The following NAALADL2 variants were observed in gnomAD, a reference collection of about 807,000 sequenced individuals.
NAALADL2 encodes the protein inactive N-acetylated-alpha-linked acidic dipeptidase-like protein 2.
In NAALADL2, 76 loss-of-function variants were observed where a neutral mutation model predicts 87.2. The ratio of observed to expected loss-of-function variants is 0.87; its 90% CI spans 0.72 to 1.05. The LOEUF is 1.05. Among genes scored for constraint, NAALADL2 ranks in the 50% least tolerant of loss-of-function variants. NAALADL2 has a pLI of 0.00. For missense variants in NAALADL2, 1,089 were observed against 945.8 expected (o/e 1.15, Z -1.99); for synonymous variants, 354 against 331.0 (o/e 1.07, Z -0.75).
At chr3:174,809,190 C>A (rs1719866972) in intron 3 of NAALADL2, among the ~76,000 whole-genome samples, 1 of 152,000 alleles carries the variant, frequency 6.6e-6, no homozygotes. Flanking sequence ...CCAAAATAGG[C>A]AACATAATAT....
chr3:174,993,989 G>A (rs1026962687), intron 1 of NAALADL2, among the ~76,000 whole-genome samples: 1 of 152,052 alleles, frequency 6.6e-6, no homozygotes, highest in Non-Finnish European at 1.5e-5. Flanking sequence ...TCTTCTTATA[G>A]GGCATCAATC....
At chr3:174,671,014 C>A (rs1029851047) in intron 2 of NAALADL2, among the ~76,000 whole-genome samples, 1 of 152,010 alleles carries the variant, frequency 6.6e-6, no homozygotes, top group Non-Finnish European at 1.5e-5. Context: ...CTGCTTTAGC[C>A]GTGTAAAATG....
chr3:175,442,557 A>G (rs1258100942), intron 5 of NAALADL2, among the ~76,000 whole-genome samples: 1 of 152,166 alleles, frequency 6.6e-6, no homozygotes, highest in Non-Finnish European at 1.5e-5. Context: ...AGAGATGACA[A>G]TAGTATCGTA....
chr3:174,903,027 T>A (rs1246678237), intron 1 of NAALADL2, among the ~76,000 whole-genome samples: 1 of 152,122 alleles, frequency 6.6e-6, no homozygotes, highest in Non-Finnish European at 1.5e-5. Flanking sequence ...GACAGTTGTA[T>A]TCTTAATATA....
chr3:174,696,161 C>T (rs484879), intron 2 of NAALADL2, among the ~76,000 whole-genome samples: 83,795 of 151,804 alleles, frequency 0.55, 23,597 homozygotes, highest in East Asian at 0.84. Flanking sequence ...GGAAGTATTA[C>T]ATAGGATGAG....
chr3:174,472,908 C>T (rs1716991458), intron 1 of NAALADL2, among the ~76,000 whole-genome samples: 1 of 152,028 alleles, frequency 6.6e-6, no homozygotes, highest in South Asian at 2.1e-4. Context: ...TGTGCAGTAT[C>T]ATTACGTTCA....
chr3:175,092,895 T>C lies in NAALADL2; in HGVS notation c.44-3895T>C, dbSNP rs565468613. 1.7e-3 allele frequency among the ~76,000 whole-genome samples: 260 copies of C among 152,010 alleles called. 1 individual carries two copies. The highest frequency in any genetic ancestry group is 5.8e-3 in the African/African-American group (242 of 41,536). On this transcript the variant is annotated intron_variant, in intron 1 of 13. Coordinates refer to ENST00000454872, the MANE Select transcript of NAALADL2 (RefSeq NM_207015.3). ...AAAATATGGAAAATATATTACACTT[T>C]TCATAATAATTGCATTTTATAAAAC...
intron 3 of NAALADL2, among the ~76,000 whole-genome samples, chr3:174,852,426 ACTAT>A (rs1480908155): frequency 1.3e-5 from 2 of 152,124 alleles, no homozygotes; most frequent in African/African-American, 2.4e-5. Context: ...TCAACAATAA[ACTAT>A]CTAAAAAGAA....
At chr3:175,012,877 C>T (rs1436675774) in intron 1 of NAALADL2, among the ~76,000 whole-genome samples, 1 of 150,294 alleles carries the variant, frequency 6.7e-6, no homozygotes, top group African/African-American at 2.5e-5. Context: ...GTATAATCTC[C>T]AACATTTCAG....
At chr3:175,091,873 A>G (rs979252360) in intron 1 of NAALADL2, among the ~76,000 whole-genome samples, 1 of 151,916 alleles carries the variant, frequency 6.6e-6, no homozygotes, top group African/African-American at 2.4e-5. Context: ...GATGCTTCCC[A>G]TTTTCAAAGG....
At chr3:175,518,299 T>A (rs960493870) in intron 9 of NAALADL2, among the ~76,000 whole-genome samples, 1 of 152,196 alleles carries the variant, frequency 6.6e-6, no homozygotes, top group Admixed American at 6.5e-5. Flanking sequence ...AGCTTCATCC[T>A]CTTTCCTAAA....
At chr3:174,571,645 C>T (rs1714942551) in intron 2 of NAALADL2, among the ~76,000 whole-genome samples, 1 of 152,144 alleles carries the variant, frequency 6.6e-6, no homozygotes, top group Non-Finnish European at 1.5e-5. Context: ...TCCCAAAGTG[C>T]TGGGATTACA....
intron 5 of NAALADL2, among the ~76,000 whole-genome samples, chr3:175,346,314 A>G (rs1363032241): frequency 6.6e-6 from 1 of 152,094 alleles, no homozygotes; most frequent in Non-Finnish European, 1.5e-5. Flanking sequence ...ACACACACAT[A>G]TGAATATAAA....
intron 5 of NAALADL2, among the ~76,000 whole-genome samples, chr3:175,339,155 TG>T (rs140525616): frequency 0.044 from 6,770 of 152,314 alleles, 220 homozygotes; most frequent in Non-Finnish European, 0.069. Context: ...AGTTAAATCT[TG>T]GATTTAATAT....
At chr3:174,810,092 A>G (rs573667461) in intron 3 of NAALADL2, among the ~76,000 whole-genome samples, 5 of 152,308 alleles carry the variant, frequency 3.3e-5, no homozygotes, top group African/African-American at 1.2e-4. Flanking sequence ...ACTGTGAGCC[A>G]ATTAAACCTC....
At chr3:175,654,373 G>T (rs2149795150) in intron 11 of NAALADL2, among the ~76,000 whole-genome samples, 1 of 152,238 alleles carries the variant, frequency 6.6e-6, no homozygotes, top group Non-Finnish European at 1.5e-5. Context: ...GTTGGCAGAA[G>T]CAGCTTCTCT....
chr3:175,384,674 T>C (rs1768155633), intron 5 of NAALADL2, among the ~76,000 whole-genome samples: 1 of 151,902 alleles, frequency 6.6e-6, no homozygotes, highest in Admixed American at 6.6e-5. Flanking sequence ...GCAATAATAT[T>C]GCATTATTAC....
chr3:174,856,993 A>C (rs577956619), upstream of NAALADL2, among the ~76,000 whole-genome samples: 2 of 152,256 alleles, frequency 1.3e-5, no homozygotes, highest in African/African-American at 4.8e-5. Context: ...GGGTCTTGGA[A>C]TGTATTCTCC....
intron 5 of NAALADL2, among the ~76,000 whole-genome samples, chr3:175,420,740 A>G (rs1206699720): frequency 6.6e-6 from 1 of 152,012 alleles, no homozygotes; most frequent in Non-Finnish European, 1.5e-5. Context: ...GGATTATACA[A>G]TCTCTTAAAA....
Sources: gnomAD v4.1 joint callset for allele counts (sites outside exome capture counted in the v4.1 genomes callset) on GRCh38, gnomAD v4.1.1 for gene constraint, MANE v1.5 for transcripts, NCBI Gene and HGNC (gene_info 2026-07-23, HGNC 2026-07-21) for gene names.